The following ZNF407 variants were observed in gnomAD, a reference collection of about 807,000 sequenced individuals.
ZNF407 encodes zinc finger protein 407.
In ZNF407, 17 loss-of-function variants were observed where a neutral mutation model predicts 131.2. The ratio of observed to expected loss-of-function variants is 0.13; its 90% confidence interval spans 0.09 to 0.19. ZNF407 has a LOEUF of 0.19. ZNF407 is among the 10% of genes least tolerant of loss of function. The probability of loss-of-function intolerance (pLI) is 1.00; values close to 1 mark genes in which losing one functional copy is unlikely to be tolerated. For synonymous variants in ZNF407, 1,156 were observed against 1,062.0 expected, an observed-to-expected ratio of 1.09 and a Z score of -1.72; for missense variants, 2,681 against 2,830.6, an observed-to-expected ratio of 0.95 and a Z score of 1.20.
chr18:74,751,942 A>G (rs370600599), intron 3 of ZNF407, among the ~76,000 whole-genome samples: 72 of 152,304 alleles, frequency 4.7e-4, no homozygotes, highest in African/African-American at 1.5e-3. Context: ...CTGAGGAATC[A>G]CCACACTGAC....
intron 1 of ZNF407, among the ~76,000 whole-genome samples, chr18:74,610,587 G>A (rs1983012512): frequency 6.6e-6 from 1 of 151,952 alleles, no homozygotes; most frequent in Non-Finnish European, 1.5e-5. Flanking sequence ...TCTCGTTCTT[G>A]TCCCCCAGGC....
chr18:74,693,099 G>A (rs917719184), intron 3 of ZNF407, among the ~76,000 whole-genome samples: 3 of 152,152 alleles, frequency 2.0e-5, no homozygotes, highest in Non-Finnish European at 1.5e-5. Flanking sequence ...TACAATTTTA[G>A]CTGATTTCTT....
intron 8 of ZNF407, among the ~76,000 whole-genome samples, chr18:74,945,079 T>C (rs1393078571): frequency 6.6e-6 from 1 of 152,212 alleles, no homozygotes; most frequent in Non-Finnish European, 1.5e-5. Context: ...TTTCCAGTAG[T>C]TAACAGGTGA....
chr18:74,667,413 G>T (rs1001970594), intron 3 of ZNF407, among the ~76,000 whole-genome samples: 5 of 152,178 alleles, frequency 3.3e-5, no homozygotes, highest in Non-Finnish European at 1.5e-5. Context: ...ATAGTCACAG[G>T]TACAGTCCCA....
At chr18:74,836,466 C>A (rs186131443) in intron 4 of ZNF407, among the ~76,000 whole-genome samples, 3 of 152,346 alleles carry the variant, frequency 2.0e-5, no homozygotes, top group Non-Finnish European at 4.4e-5. Flanking sequence ...TGCTGCCCTT[C>A]CCGAGTGAGC....
rs1458454638 is a variant in ZNF407 at position 74,916,647 on chromosome 18, T to C, written c.5250-3867T>C. On this transcript the variant is annotated intron_variant, in intron 7 of 8. Transcript: ENST00000299687. ...AATCGGGAGTGTGTGTGTGTGTGTG[T>C]GTGTGCATGTGTGTGCTGGTATGGT... Among the ~76,000 whole-genome samples the C allele has an allele frequency of 1.7e-4, 22 of 130,348 alleles. 1 individual carries two copies. Among genetic ancestry groups the C allele is most frequent in the South Asian group, 2.7e-4 (1 of 3,722 alleles). The allele number at this position is 130,348 out of a possible 152,430, so 85.5% of individuals were successfully genotyped here.
At chr18:74,838,051 C>G (rs1970582577) in intron 4 of ZNF407, among the ~76,000 whole-genome samples, 1 of 152,152 alleles carries the variant, frequency 6.6e-6, no homozygotes, top group Admixed American at 6.5e-5. Context: ...ATTATGTATT[C>G]TTTCTTCAAT....
At chr18:74,728,539 T>C (rs1007004363) in intron 3 of ZNF407, among the ~76,000 whole-genome samples, 1 of 152,184 alleles carries the variant, frequency 6.6e-6, no homozygotes, top group Admixed American at 6.5e-5. Flanking sequence ...ATGATGTGCC[T>C]GCTGAGATTC....
chr18:74,818,276 A>T (rs1296907008), intron 4 of ZNF407, among the ~76,000 whole-genome samples: 1 of 152,126 alleles, frequency 6.6e-6, no homozygotes, highest in African/African-American at 2.4e-5. Flanking sequence ...CCATCCCGGA[A>T]CCTGTGACTG....
At chr18:74,764,367 C>T (rs545856898) in intron 3 of ZNF407, among the ~76,000 whole-genome samples, 532 of 152,232 alleles carry the variant, frequency 3.5e-3, no homozygotes, top group Middle Eastern at 0.017. Context: ...TCATTAAGCT[C>T]ATCTAATGAA....
chr18:74,799,377 A>G (rs963639637), intron 4 of ZNF407, among the ~76,000 whole-genome samples: 10 of 152,098 alleles, frequency 6.6e-5, no homozygotes, highest in Non-Finnish European at 2.9e-5. Flanking sequence ...CTTGCAGTAC[A>G]GGATCCCTTG....
Position 74,776,046 on chromosome 18 carries a change from C to T in ZNF407, c.4803-5382C>T, listed in dbSNP as rs565636423. On this transcript the variant is annotated intron_variant, in intron 3 of 8. Coordinates refer to ENST00000299687, the MANE Select transcript of ZNF407 (RefSeq NM_017757.3). Reference sequence around the variant, plus strand: ...ATTCAGCCTGAGCTTCGGGCAGGAACGCAGAATCAAACCATATCAATACCT... The same window carrying T: ...ATTCAGCCTGAGCTTCGGGCAGGAATGCAGAATCAAACCATATCAATACCT... Among the ~76,000 whole-genome samples, 9 of 152,254 alleles carry T rather than the reference C, an allele frequency of 5.9e-5. No individual in the cohort carries two copies. In the South Asian group the frequency reaches 6.2e-4, roughly 11 times the overall value.
chr18:74,757,720 A>T (rs1968995946), intron 3 of ZNF407, among the ~76,000 whole-genome samples: 1 of 152,066 alleles, frequency 6.6e-6, no homozygotes, highest in Non-Finnish European at 1.5e-5. Flanking sequence ...AAGTCTATTT[A>T]TTACTGAAAA....
chr18:74,604,059 C>A (rs1982694576), intron 1 of ZNF407, among the ~76,000 whole-genome samples: 1 of 152,000 alleles, frequency 6.6e-6, no homozygotes, highest in Non-Finnish European at 1.5e-5. Context: ...GAGCTGTTGG[C>A]TAGAGATAAA....
intron 3 of ZNF407, among the ~76,000 whole-genome samples, chr18:74,680,654 C>T (rs762852749): frequency 1.3e-5 from 2 of 151,980 alleles, no homozygotes; most frequent in Non-Finnish European, 2.9e-5. Context: ...GAAGGCTTAA[C>T]GTCAAATTTA....
chr18:74,803,153 A>G (rs1314253982), intron 4 of ZNF407, among the ~76,000 whole-genome samples: 2 of 152,204 alleles, frequency 1.3e-5, no homozygotes, highest in East Asian at 1.9e-4. Context: ...GTCAAAAGAA[A>G]GCCCTGTAAC....
intron 3 of ZNF407, among the ~76,000 whole-genome samples, chr18:74,756,376 G>A (rs188311680): frequency 7.9e-5 from 12 of 152,224 alleles, no homozygotes; most frequent in Admixed American, 3.3e-4. Flanking sequence ...AATTTTGATA[G>A]GGATTGCATT....
At chr18:74,921,995 A>G (rs1971852892) in intron 8 of ZNF407, among the ~76,000 whole-genome samples, 1 of 152,240 alleles carries the variant, frequency 6.6e-6, no homozygotes. Context: ...TGATGTTCAT[A>G]TGATTGACTT....
chr18:74,646,882 A>G (rs1984996893), intron 3 of ZNF407, among the ~76,000 whole-genome samples: 1 of 152,122 alleles, frequency 6.6e-6, no homozygotes, highest in Admixed American at 6.5e-5. Context: ...TCTCCATTAT[A>G]TCCTGGTTTA....
Sources: gnomAD v4.1 joint callset for allele counts (sites outside exome capture counted in the v4.1 genomes callset) on GRCh38, gnomAD v4.1.1 for gene constraint, MANE v1.5 for transcripts, NCBI Gene and HGNC (gene_info 2026-07-23, HGNC 2026-07-21) for gene names.